EFL1: variants seen among roughly 807,000 people sequenced by gnomAD.
EFL1 encodes elongation factor like GTPase 1.
A neutral mutation model predicts 126.7 loss-of-function variants in EFL1; 76 were observed. The observed-to-expected ratio is 0.60, with a 90% CI of 0.50 to 0.73. The LOEUF (loss-of-function observed/expected upper bound fraction) is 0.73. EFL1 is among the 30% of genes least tolerant of loss of function. The probability of loss-of-function intolerance (pLI) is 0.00; values close to 1 mark genes in which losing one functional copy is unlikely to be tolerated. For synonymous variants in EFL1, 410 were observed against 448.4 expected, an observed-to-expected ratio of 0.91 and a Z score of 1.08; for missense variants, 1,128 against 1,343.2, an observed-to-expected ratio of 0.84 and a Z score of 2.50.
At chr15:82,161,303 T>C (rs901446559) in intron 16 of EFL1, among the ~76,000 whole-genome samples, 2 of 152,120 alleles carry the variant, frequency 1.3e-5, no homozygotes, top group Non-Finnish European at 2.9e-5. Flanking sequence ...AATATCCCAA[T>C]AGTCGTCAGA....
In EFL1 at chr15:82,211,563, C is replaced by CTAGACACATACTAG. The variant is rs1567064769; in HGVS notation, c.1750+3153_1750+3154insCTAGTATGTGTCTA. ...AAAAATCTATATACACACACACACACACACACACACACACACACTAGACAC... is the reference window on the plus strand; with the variant it reads ...AAAAATCTATATACACACACACACACTAGACACATACTAGACACACACACACACACACTAGACAC... On this transcript the variant is annotated intron_variant, in intron 15 of 19. Coordinates refer to ENST00000268206, the MANE Select transcript of EFL1 (RefSeq NM_024580.6). Among the ~76,000 whole-genome samples, 22 of 133,878 alleles carry CTAGACACATACTAG rather than the reference C, an allele frequency of 1.6e-4. No homozygotes were observed. In the East Asian group the frequency reaches 4.7e-3, roughly 29 times the overall value. 87.8% of individuals were successfully genotyped at this position (133,878 alleles called of 152,430 possible).
intron 11 of EFL1, among the ~76,000 whole-genome samples, chr15:82,226,448 G>A (rs959453694): frequency 6.6e-6 from 1 of 152,180 alleles, no homozygotes; most frequent in Non-Finnish European, 1.5e-5. Context: ...TTTGCTGATG[G>A]ACTGGATGTT....
Position 82,151,812 on chromosome 15 carries a change from G to A in EFL1, c.2642C>T (p.Pro881Leu), listed in dbSNP as rs774016364. ...SGFQLATLSG[P>L]MCEEPLMGVC... ...ACCCATGAGAGGCTCCTCACACATG[G>A]GGCCAGAGAGGGTTGCTAGTTGGAA... Residue 881 changes from proline (P) to leucine (L), a missense_variant, in exon 18 of 20, where the codon CCC (proline) becomes CTC (leucine). Pro to Leu is a moderately conservative substitution (Grantham distance 98). This residue lies in a region of EFL1 where 561 missense variants were observed against 641.7 expected (regional missense o/e 0.87). Transcript: ENST00000268206. The A allele has an allele frequency of 1.2e-6, 2 of 1,613,930 alleles. No individual in the cohort carries two copies. Among genetic ancestry groups the A allele is most frequent in the Non-Finnish European group, 1.7e-6 (2 of 1,180,020 alleles).
chr15:82,168,215 T>C (rs2141246863), intron 15 of EFL1, among the ~76,000 whole-genome samples: 1 of 152,314 alleles, frequency 6.6e-6, no homozygotes, highest in African/African-American at 2.4e-5. Context: ...AAACTCAAGA[T>C]TCTGCACTCT....
At chr15:82,193,244 C>A (rs1207191197) in intron 15 of EFL1, among the ~76,000 whole-genome samples, 2 of 152,092 alleles carry the variant, frequency 1.3e-5, no homozygotes, top group East Asian at 3.9e-4. Context: ...ATCAAATATA[C>A]TTGACAGAGA....
At chr15:82,259,816 A>G (rs2075097499) in intron 2 of EFL1, among the ~76,000 whole-genome samples, 1 of 152,200 alleles carries the variant, frequency 6.6e-6, no homozygotes, top group Non-Finnish European at 1.5e-5. Context: ...ACAAGTCTTT[A>G]TTGCACTTTA....
intron 15 of EFL1, among the ~76,000 whole-genome samples, chr15:82,173,771 A>G (rs1450810530): frequency 6.6e-6 from 1 of 152,196 alleles, no homozygotes; most frequent in African/African-American, 2.4e-5. Flanking sequence ...CAAAATGTCA[A>G]TAGTGGCTAC....
At chr15:82,206,746 C>T in intron 15 of EFL1, among the ~76,000 whole-genome samples, 1 of 152,014 alleles carries the variant, frequency 6.6e-6, no homozygotes, top group Non-Finnish European at 1.5e-5. Context: ...CTGAAAGGGA[C>T]AATAACAATT....
chr15:82,196,307 G>A (rs2074407501), intron 15 of EFL1, among the ~76,000 whole-genome samples: 1 of 152,154 alleles, frequency 6.6e-6, no homozygotes. Flanking sequence ...ACTATCAGCT[G>A]CCCAAGCTTG....
At chr15:82,224,096 T>C (rs1235168223) in intron 12 of EFL1, among the ~76,000 whole-genome samples, 1 of 152,112 alleles carries the variant, frequency 6.6e-6, no homozygotes, top group Non-Finnish European at 1.5e-5. Flanking sequence ...ACTAGTATAT[T>C]AGAGAAACAG....
intron 15 of EFL1, among the ~76,000 whole-genome samples, chr15:82,168,097 T>C (rs893380780): frequency 1.3e-5 from 2 of 152,142 alleles, no homozygotes; most frequent in Non-Finnish European, 2.9e-5. Context: ...TAGAGAACCC[T>C]TAGTTTTGAA....
intron 7 of EFL1, among the ~76,000 whole-genome samples, chr15:82,235,930 T>C (rs901876955): frequency 3.9e-5 from 6 of 152,152 alleles, no homozygotes; most frequent in African/African-American, 1.2e-4. Flanking sequence ...GATAGTCTCA[T>C]AGCAAATTCC....
At chr15:82,234,597 G>A (rs2141320138) in intron 7 of EFL1, among the ~76,000 whole-genome samples, 1 of 152,178 alleles carries the variant, frequency 6.6e-6, no homozygotes, top group South Asian at 2.1e-4. Flanking sequence ...TGGTCAAAGG[G>A]AAATTGGAGA....
rs529481841 is a variant in EFL1, at chr15:82,180,185, C to T, written c.1751-16201G>A. Among the ~76,000 whole-genome samples, 7 of 152,112 alleles carry T rather than the reference C, an allele frequency of 4.6e-5. No individual in the cohort carries two copies. The South Asian group carries it at 1.5e-3, about 32-fold the overall frequency. On this transcript the variant is annotated intron_variant, in intron 15 of 19. Transcript: ENST00000268206. ...TTTCTCTAATCTCTTAACTCTTCCC[C>T]GTCCCCACTCCCCAACTCCTACTCA...
intron 19 of EFL1, among the ~76,000 whole-genome samples, chr15:82,136,914 A>T (rs528378310): frequency 9.2e-5 from 14 of 152,310 alleles, no homozygotes; most frequent in Admixed American, 5.2e-4. Context: ...AAGTCAAGAA[A>T]AGATTCATAG....
chr15:82,249,404 GATGA>G (rs1009710960), intron 4 of EFL1, among the ~76,000 whole-genome samples: 1 of 151,726 alleles, frequency 6.6e-6, no homozygotes, highest in Non-Finnish European at 1.5e-5. Context: ...TATTTTAAAA[GATGA>G]ATTAGATAAA....
chr15:82,176,464 T>C (rs60855901), intron 15 of EFL1, among the ~76,000 whole-genome samples: 23,232 of 152,102 alleles, frequency 0.15, 3,205 homozygotes, highest in African/African-American at 0.37. Context: ...ATGCAGAATA[T>C]ATAAAGAATG....
intron 15 of EFL1, among the ~76,000 whole-genome samples, chr15:82,211,184 G>C (rs1721907914): frequency 6.6e-6 from 1 of 151,852 alleles, no homozygotes; most frequent in Admixed American, 6.6e-5. Context: ...TATTACCTGT[G>C]GCTGCCAGCT....
chr15:82,132,840 T>C (rs1321946326), intron 19 of EFL1, among the ~76,000 whole-genome samples: 2 of 152,036 alleles, frequency 1.3e-5, no homozygotes, highest in Admixed American at 6.6e-5. Flanking sequence ...TGCTATAATT[T>C]TGTGGGCACA....
Sources: allele counts gnomAD v4.1 joint callset (sites outside exome capture counted in the v4.1 genomes callset), GRCh38; gene constraint gnomAD v4.1.1; regional missense constraint gnomAD v4.1.1; transcripts MANE v1.5; gene names NCBI Gene and HGNC (gene_info 2026-07-23, HGNC 2026-07-21).